LAMA2: variants seen among roughly 807,000 people sequenced by gnomAD.
LAMA2 encodes laminin subunit alpha 2.
A neutral mutation model predicts 364.8 loss-of-function variants in LAMA2; 269 were observed. The ratio of observed to expected loss-of-function variants is 0.74; its 90% confidence interval spans 0.67 to 0.82. LAMA2 has a LOEUF of 0.82. Ranked by LOEUF, LAMA2 falls within the 40% of genes least tolerant of loss-of-function variation. The pLI is 0.00. For missense variants in LAMA2, 3,807 were observed against 3,873.2 expected (o/e 0.98, Z 0.45); for synonymous variants, 1,379 against 1,370.6 (o/e 1.01, Z -0.14).
intron 48 of LAMA2, 71 bp downstream of exon 48, chr6:129,456,565 A>T: frequency 7.4e-7 from 1 of 1,349,870 alleles, no homozygotes; most frequent in Non-Finnish European, 1.1e-6. Flanking sequence ...CTTCAGGAGA[A>T]GGTATGATAA....
chr6:128,914,239 C>T lies in LAMA2; in HGVS notation c.112+30882C>T, dbSNP rs115277532. Among the ~76,000 whole-genome samples the T allele has an allele frequency of 5.8e-3, 885 of 152,218 alleles. 8 individuals carry two copies. Among genetic ancestry groups the T allele is most frequent in the African/African-American group, 0.02 (845 of 41,520 alleles). The stretch of plus-strand genomic sequence containing the variant: ...CAAAAACCAGCTGGTTCTGGGATGT[C>T]GTAACAATTTGATACTTCAAACCAA... On this transcript the variant is annotated intron_variant, in intron 1 of 64. Transcript: ENST00000421865.
At chr6:129,080,591 G>A (rs906919720) in intron 3 of LAMA2, among the ~76,000 whole-genome samples, 25 of 152,048 alleles carry the variant, frequency 1.6e-4, no homozygotes, top group Non-Finnish European at 3.7e-4. Flanking sequence ...AGGATATGAA[G>A]AGACACTTCT....
At chr6:128,977,281 T>C (rs1460242643) in intron 1 of LAMA2, among the ~76,000 whole-genome samples, 13 of 145,016 alleles carry the variant, frequency 9.0e-5, no homozygotes, top group Admixed American at 2.0e-4. Flanking sequence ...TTTTTTTTTT[T>C]CAAGGTCTTG....
intron 12 of LAMA2, among the ~76,000 whole-genome samples, chr6:129,247,343 C>T (rs893995573): frequency 2.0e-4 from 31 of 152,150 alleles, no homozygotes; most frequent in African/African-American, 7.2e-4. Context: ...CCCAGATACT[C>T]GGGAGGCTGA....
Position 128,948,997 on chromosome 6 carries a change from A to AAG in LAMA2, c.112+65640_112+65641insAG, listed in dbSNP as rs1267948017. 1.8e-4 allele frequency among the ~76,000 whole-genome samples: 27 copies of AAG among 152,304 alleles called. No individual in the cohort carries two copies. The South Asian group carries it at 5.4e-3, about 30-fold the overall frequency. On this transcript the variant is annotated intron_variant, in intron 1 of 64. Coordinates refer to ENST00000421865, the MANE Select transcript of LAMA2 (RefSeq NM_000426.4). ...GCAAAAAATGGCTTAACACTGTGAT[A>AAG]TTTGGTATTTTCTAGTCCATTAGTG...
chr6:129,197,996 T>G (rs1781949343), intron 12 of LAMA2, among the ~76,000 whole-genome samples: 1 of 152,114 alleles, frequency 6.6e-6, no homozygotes, highest in Admixed American at 6.6e-5. Context: ...GTTTTACATT[T>G]TGTTTATAAT....
chr6:129,050,846 A>T (rs982677930), intron 2 of LAMA2, among the ~76,000 whole-genome samples: 1 of 152,190 alleles, frequency 6.6e-6, no homozygotes, highest in Non-Finnish European at 1.5e-5. Context: ...AGGGAGAGGC[A>T]CCATGTAAAG....
intron 32 of LAMA2, among the ~76,000 whole-genome samples, chr6:129,361,496 T>G (rs567166572): frequency 8.4e-4 from 128 of 152,334 alleles, no homozygotes; most frequent in African/African-American, 3.0e-3. Flanking sequence ...TGGACAGATC[T>G]TCCACTGTCA....
chr6:129,348,301 C>A (rs1776669692), intron 30 of LAMA2, among the ~76,000 whole-genome samples: 1 of 152,188 alleles, frequency 6.6e-6, no homozygotes, highest in Non-Finnish European at 1.5e-5. Context: ...GTCCTAATGG[C>A]ACCTGACCAA....
chr6:129,047,433 G>A (rs2114767632), intron 1 of LAMA2, among the ~76,000 whole-genome samples: 1 of 152,268 alleles, frequency 6.6e-6, no homozygotes, highest in South Asian at 2.1e-4. Context: ...GAAAAAGTAA[G>A]TACCATTGGC....
At chr6:129,193,175 A>G (rs547265058) in intron 12 of LAMA2, among the ~76,000 whole-genome samples, 2 of 152,196 alleles carry the variant, frequency 1.3e-5, no homozygotes, top group Non-Finnish European at 2.9e-5. Flanking sequence ...GTTTATGTGA[A>G]AAGAGCTGTT....
At position 129,200,167 on chromosome 6, in the gene LAMA2, C is replaced by T. The variant is rs184337336; in HGVS notation, c.1782+7314C>T. On this transcript the variant is annotated intron_variant, in intron 12 of 64. Coordinates refer to ENST00000421865, the MANE Select transcript of LAMA2 (RefSeq NM_000426.4). The stretch of plus-strand genomic sequence containing the variant: ...ACATATACACGTGTATATATATATA[C>T]GTGTACACATATACATGTGTATATA... Among the ~76,000 whole-genome samples, 572 of 132,676 alleles carry T rather than the reference C, an allele frequency of 4.3e-3. 10 individuals carry two copies. The highest frequency in any genetic ancestry group is 7.3e-3 in the Non-Finnish European group (454 of 62,168). The allele number at this position is 132,676 out of a possible 152,430, so 87.0% of individuals were successfully genotyped here. A position where few individuals can be genotyped will look rare whatever the true frequency, so the allele number is the denominator to read the frequency against.
chr6:129,400,901 T>C (rs538360495), intron 37 of LAMA2, among the ~76,000 whole-genome samples: 2 of 152,380 alleles, frequency 1.3e-5, no homozygotes, highest in Admixed American at 6.5e-5. Flanking sequence ...AATATAACTA[T>C]TCAGCACTTA....
chr6:129,266,294 G>T (rs1396752739), intron 15 of LAMA2, among the ~76,000 whole-genome samples: 3 of 152,086 alleles, frequency 2.0e-5, no homozygotes, highest in African/African-American at 4.8e-5. Flanking sequence ...CTTAATTAAG[G>T]ATGATGGGGA....
At chr6:129,126,576 TTAAAA>T (rs1451480936) in intron 4 of LAMA2, among the ~76,000 whole-genome samples, 2 of 152,110 alleles carry the variant, frequency 1.3e-5, no homozygotes, top group South Asian at 2.1e-4. Flanking sequence ...AAATTGTACT[TTAAAA>T]TAAGTGTCTT....
chr6:128,930,742 A>G (rs1022465424), intron 1 of LAMA2, among the ~76,000 whole-genome samples: 6 of 152,334 alleles, frequency 3.9e-5, no homozygotes, highest in African/African-American at 1.4e-4. Context: ...ATTCTACATC[A>G]CTATCATATT....
intron 45 of LAMA2, 89 bp from the exon 46 acceptor site, chr6:129,452,899 A>G: frequency 1.7e-6 from 2 of 1,161,228 alleles, no homozygotes; most frequent in South Asian, 2.5e-5. Flanking sequence ...TCAAAGAAGA[A>G]ACGATGATGG....
At chr6:129,309,932 C>T (rs1411677913) in intron 22 of LAMA2, among the ~76,000 whole-genome samples, 1 of 127,476 alleles carries the variant, frequency 7.8e-6, no homozygotes, top group Non-Finnish European at 1.6e-5. Context: ...CGGAGTCTCG[C>T]TCTGTCACCC....
chr6:128,929,948 A>G, intron 1 of LAMA2: 1 of 723,818 alleles, frequency 1.4e-6, no homozygotes, highest in South Asian at 1.7e-5. Context: ...CCCCACCTGG[A>G]CCCACCACTC....
Sources: gnomAD v4.1 joint callset for allele counts (sites outside exome capture counted in the v4.1 genomes callset) on GRCh38, gnomAD v4.1.1 for gene constraint, MANE v1.5 for transcripts, NCBI Gene and HGNC (gene_info 2026-07-23, HGNC 2026-07-21) for gene names.